COPB1: variants seen among roughly 807,000 people sequenced by gnomAD.
The protein encoded by COPB1 is coat protein complex I subunit beta 1, also known as coatomer subunit beta.
A neutral mutation model predicts 108.7 loss-of-function variants in COPB1; 21 were observed. The ratio of observed to expected loss-of-function variants is 0.19; its 90% CI spans 0.14 to 0.28. The LOEUF (loss-of-function observed/expected upper bound fraction) is 0.28, where lower values mean the gene tolerates loss of function less well. Ranked by LOEUF, COPB1 falls within the 10% of genes least tolerant of loss-of-function variation. The pLI, the probability that COPB1 is intolerant of heterozygous loss-of-function variation, is 1.00. For synonymous variants in COPB1, 378 were observed against 386.8 expected (o/e 0.98, Z 0.27); for missense variants, 919 against 1,141.3 (o/e 0.81, Z 2.81).
chr11:14,488,186 A>G (rs1358497493), intron 6 of COPB1, among the ~76,000 whole-genome samples: 1 of 152,198 alleles, frequency 6.6e-6, no homozygotes, highest in Non-Finnish European at 1.5e-5. Flanking sequence ...ATTTTATTTT[A>G]AAGCCTAATT....
intron 7 of COPB1, among the ~76,000 whole-genome samples, chr11:14,484,412 T>G (rs1850725411): frequency 6.6e-6 from 1 of 152,136 alleles, no homozygotes; most frequent in Non-Finnish European, 1.5e-5. Flanking sequence ...AAAGGCTGGG[T>G]GAAGAATATA....
rs1850354988 is a variant in COPB1 at position 14,469,324 on chromosome 11, T to C, written c.1965+12A>G. 1.9e-6 allele frequency: 3 copies of C among 1,607,596 alleles called. No homozygotes were observed. Among genetic ancestry groups the C allele is most frequent in the Non-Finnish European group, 2.6e-6 (3 of 1,174,372 alleles). Reference sequence around the variant, plus strand: ...ACAAAACACTTTTGTTGCCTCATCATATATACCTTACCTTTTGGGATAATT... The same window carrying C: ...ACAAAACACTTTTGTTGCCTCATCACATATACCTTACCTTTTGGGATAATT... On this transcript the variant is annotated intron_variant, in intron 15 of 21. Coordinates refer to ENST00000439561, the MANE Select transcript of COPB1 (RefSeq NM_001144061.2).
At chr11:14,487,538 G>A (rs965317742) in intron 6 of COPB1, among the ~76,000 whole-genome samples, 1 of 152,010 alleles carries the variant, frequency 6.6e-6, no homozygotes, top group Non-Finnish European at 1.5e-5. Flanking sequence ...AGCTGGATAC[G>A]GTGGCGTGCA....
intron 11 of COPB1, among the ~76,000 whole-genome samples, chr11:14,477,354 C>T (rs1267392773): frequency 1.7e-5 from 2 of 116,948 alleles, no homozygotes; most frequent in Admixed American, 1.1e-4. Context: ...CGCGCCACTG[C>T]ACTCCAGGCT....
chr11:14,491,924 T>A (rs1850914170), intron 4 of COPB1, among the ~76,000 whole-genome samples: 1 of 152,228 alleles, frequency 6.6e-6, no homozygotes, highest in African/African-American at 2.4e-5. Flanking sequence ...CTGACTTGCC[T>A]CTTCTTTTGG....
intron 1 of COPB1, among the ~76,000 whole-genome samples, chr11:14,499,356 T>C (rs940417781): frequency 2.0e-5 from 3 of 151,750 alleles, no homozygotes; most frequent in South Asian, 2.1e-4. Context: ...TAAAGCGCTT[T>C]ATCGCGGTCC....
rs534773936 is a variant in COPB1 at position 14,498,167 on chromosome 11, A to C, written c.91+671T>G. Among the ~76,000 whole-genome samples the C allele has an allele frequency of 3.9e-5, 6 of 152,332 alleles. No individual in the cohort carries two copies. The East Asian group carries it at 1.2e-3, about 29-fold the overall frequency. ...AATTGGACATTTAAAAATAACTGAA[A>C]GTGTAACTGGATTGTCACACAGAAG... On this transcript the variant is annotated intron_variant, in intron 2 of 21. Transcript: ENST00000439561.
intron 16 of COPB1, among the ~76,000 whole-genome samples, chr11:14,467,132 A>C (rs1850299284): frequency 6.6e-6 from 1 of 152,166 alleles, no homozygotes; most frequent in Non-Finnish European, 1.5e-5. Flanking sequence ...ATATTTGCAA[A>C]TCATGTATCT....
intron 2 of COPB1, among the ~76,000 whole-genome samples, chr11:14,498,486 A>C (rs944007184): frequency 2.0e-5 from 3 of 152,232 alleles, no homozygotes; most frequent in Admixed American, 2.0e-4. Flanking sequence ...AAGTAACATG[A>C]AGTTAAGTGC....
At chr11:14,460,158 A>C in intron 20 of COPB1, 50 bp downstream of exon 20, 2 of 1,175,556 alleles carry the variant, frequency 1.7e-6, no homozygotes, top group Non-Finnish European at 2.5e-6. Context: ...AAGGCCAGGA[A>C]CCTACTCTAC....
intron 8 of COPB1, among the ~76,000 whole-genome samples, chr11:14,482,707 G>A (rs1850686912): frequency 1.3e-5 from 2 of 151,944 alleles, no homozygotes; most frequent in South Asian, 4.2e-4. Context: ...GCTAATTTTT[G>A]TTATTTTTAG....
In COPB1 at chr11:14,475,913, T is replaced by G. The variant is rs763032673; in HGVS notation, c.1488A>C (p.Glu496Asp). 1.2e-5 allele frequency: 19 copies of G among 1,611,144 alleles called. No individual in the cohort carries two copies. The highest frequency in any genetic ancestry group is 1.5e-5 in the Non-Finnish European group (18 of 1,179,258). Residue 496 changes from glutamate to aspartate, a missense_variant, in exon 13 of 22, where the codon GAA becomes GAC. Glu to Asp is a conservative substitution (Grantham distance 45). Transcript: ENST00000439561. ...IPIVESEIKK[E>D]AGELKPEEEI... ...CTTCTTCAGGTTTTAATTCACCAGC[T>G]TCTTTCTTTATTTCTGACTCTACAA...
rs771743899 is a variant in COPB1, at chr11:14,469,369, A to G, written c.1932T>C (p.Ser644=). 8 of 1,614,102 alleles carry G rather than the reference A, an allele frequency of 5.0e-6. No homozygotes were observed. The highest frequency in any genetic ancestry group is 6.8e-6 in the Non-Finnish European group (8 of 1,179,970). ...ATAATTTCTCTTCTTCTAGTTTAGC[A>G]GATAACATGTGAGAAAGGGACTGTC... ...ECRQSLSHML[S]AKLEEEKLSQ... is the part of the protein sequence containing the mutation. The change falls in exon 15 of 22, where the codon TCT becomes TCC. Residue 644 remains serine (S), a synonymous_variant. Coordinates refer to ENST00000439561, the MANE Select transcript of COPB1 (RefSeq NM_001144061.2).
chr11:14,484,309 G>C (rs145949415), intron 7 of COPB1, among the ~76,000 whole-genome samples: 4 of 152,258 alleles, frequency 2.6e-5, no homozygotes, highest in African/African-American at 9.6e-5. Context: ...GATGAAATAT[G>C]AATAAAGCCT....
At chr11:14,470,524 T>G (rs902958808) in intron 14 of COPB1, among the ~76,000 whole-genome samples, 1 of 152,208 alleles carries the variant, frequency 6.6e-6, no homozygotes, top group East Asian at 1.9e-4. Context: ...TGCAACTTAC[T>G]TTTTTAGTCT....
At position 14,457,676 on chromosome 11, in the gene COPB1, T is replaced by C; in HGVS notation, c.*148A>G. The C allele has an allele frequency of 3.0e-6, 2 of 657,524 alleles. No individual in the cohort carries two copies. Among genetic ancestry groups the C allele is most frequent in the Non-Finnish European group, 5.5e-6 (2 of 362,496 alleles). 40.7% of individuals were successfully genotyped at this position (657,524 alleles called of 1,614,324 possible). Reference sequence around the variant, plus strand: ...ACTATAATTTTAAACTCAATCTTGATTTAAGGGAAAGGCTATAAATTATTG... The same window carrying C: ...ACTATAATTTTAAACTCAATCTTGACTTAAGGGAAAGGCTATAAATTATTG... On this transcript the variant is annotated 3_prime_UTR_variant, in exon 22 of 22. Coordinates refer to ENST00000439561, the MANE Select transcript of COPB1 (RefSeq NM_001144061.2).
chr11:14,466,546 T>G lies in COPB1; in HGVS notation c.2146-120A>C, dbSNP rs1850285133. On this transcript the variant is annotated intron_variant, in intron 16 of 21. Transcript: ENST00000439561. ...GAGTTGCTTAGAAGTCATTTTGAGA[T>G]AGGTAAAATAAAATTGTTTTATAAT... The G allele has an allele frequency of 3.2e-6, 3 of 933,080 alleles. No homozygotes were observed. In the South Asian group the frequency reaches 5.8e-5, roughly 18 times the overall value. The allele number at this position is 933,080 out of a possible 1,614,324, so 57.8% of individuals were successfully genotyped here.
At chr11:14,472,263 G>A (rs750682300) in intron 14 of COPB1, among the ~76,000 whole-genome samples, 4 of 152,210 alleles carry the variant, frequency 2.6e-5, no homozygotes, top group East Asian at 3.8e-4. Flanking sequence ...CTCCATCAGA[G>A]CTCTTGGGTG....
rs1305498051 is a variant in COPB1, at chr11:14,499,775, CG to C, written c.-127del. Reference sequence around the variant, plus strand: ...GAGGGGCAGTGGTTTGGTGCAGCCGCGGATCCGTCTACTGCGGCTCCGTCTA... The same window carrying C: ...GAGGGGCAGTGGTTTGGTGCAGCCGCGATCCGTCTACTGCGGCTCCGTCTA... On this transcript the variant is annotated 5_prime_UTR_variant, in exon 1 of 22. Transcript: ENST00000439561. The C allele has an allele frequency of 6.6e-6, 1 of 152,420 alleles. No individual in the cohort carries two copies. The highest frequency in any genetic ancestry group is 1.9e-4 in the East Asian group (1 of 5,192). 9.4% of individuals were successfully genotyped at this position (152,420 alleles called of 1,614,324 possible).
Sources: allele counts gnomAD v4.1 joint callset (sites outside exome capture counted in the v4.1 genomes callset), GRCh38; gene constraint gnomAD v4.1.1; transcripts MANE v1.5; gene names NCBI Gene and HGNC (gene_info 2026-07-23, HGNC 2026-07-21).